DYNC2I1: variants seen among roughly 807,000 people sequenced by gnomAD.
DYNC2I1 encodes the protein dynein 2 intermediate chain 1, also known as cytoplasmic dynein 2 intermediate chain 1.
In DYNC2I1, 89 loss-of-function variants were observed where a neutral mutation model predicts 133.4. That is an observed-to-expected ratio of 0.67 (90% CI 0.56 to 0.80). DYNC2I1 has a LOEUF of 0.80. DYNC2I1 is among the 30% of genes least tolerant of loss of function. DYNC2I1 has a pLI of 0.00. For synonymous variants in DYNC2I1, 504 were observed against 484.3 expected, an observed-to-expected ratio of 1.04 and a Z score of -0.54; for missense variants, 1,291 against 1,314.5, an observed-to-expected ratio of 0.98 and a Z score of 0.28.
At chr7:158,936,561 C>A (rs1850777219) in intron 23 of DYNC2I1, among the ~76,000 whole-genome samples, 1 of 152,198 alleles carries the variant, frequency 6.6e-6, no homozygotes, top group South Asian at 2.1e-4. Flanking sequence ...TGCCTCAGCC[C>A]ATGGGGAGCA....
At chr7:158,867,795 G>T (rs1842538079) in intron 1 of DYNC2I1, among the ~76,000 whole-genome samples, 1 of 152,118 alleles carries the variant, frequency 6.6e-6, no homozygotes. Context: ...GTCTCCCAGG[G>T]TGCGCGGTGA....
At chr7:158,859,654 C>T (rs1159081513) in intron 1 of DYNC2I1, among the ~76,000 whole-genome samples, 1 of 152,172 alleles carries the variant, frequency 6.6e-6, no homozygotes, top group Non-Finnish European at 1.5e-5. Flanking sequence ...AGATGTGTGT[C>T]ATCACGCCCA....
chr7:158,847,009 A>C, the DYNC2I1 span, among the ~76,000 whole-genome samples: 2 of 152,222 alleles, frequency 1.3e-5, no homozygotes, highest in Non-Finnish European at 2.9e-5. Flanking sequence ...TTATTAATTG[A>C]CTTAAAGAAA....
Position 158,856,865 on chromosome 7 carries a change from C to A in DYNC2I1, c.15+115C>A, listed in dbSNP as rs552406515. 149 of 1,169,066 alleles carry A rather than the reference C, an allele frequency of 1.3e-4. No homozygotes were observed. The South Asian group carries it at 2.4e-3, about 18-fold the overall frequency. 72.4% of individuals were successfully genotyped at this position (1,169,066 alleles called of 1,614,324 possible). A position where few individuals can be genotyped will look rare whatever the true frequency, so the allele number is the denominator to read the frequency against. On this transcript the variant is annotated intron_variant, in intron 1 of 24. Transcript: ENST00000407559. The stretch of plus-strand genomic sequence containing the variant: ...TGCGCAGCGGTTCTCTCGGCCGGGC[C>A]GGGGCTTCCCGGAGGAGCCGCGGTG...
At chr7:158,855,590 A>C (rs1195937070), upstream of DYNC2I1, among the ~76,000 whole-genome samples, 1 of 152,246 alleles carries the variant, frequency 6.6e-6, no homozygotes, top group African/African-American at 2.4e-5. Context: ...GTCTGTGTTT[A>C]AATTATAAAA....
At chr7:158,955,597 C>T (rs1195575834) in intron 4 of DYNC2I1, among the ~76,000 whole-genome samples, 1 of 152,174 alleles carries the variant, frequency 6.6e-6, no homozygotes, top group Non-Finnish European at 1.5e-5. Flanking sequence ...TGTGGGTAGG[C>T]GGAGACACCC....
chr7:158,943,882 G>A (rs1348616453), intron 24 of DYNC2I1, among the ~76,000 whole-genome samples: 1 of 152,120 alleles, frequency 6.6e-6, no homozygotes, highest in Non-Finnish European at 1.5e-5. Flanking sequence ...GGTCAACCCT[G>A]TCCATCTGTC....
chr7:158,917,183 A>G (rs1210207377), intron 14 of DYNC2I1, among the ~76,000 whole-genome samples: 1 of 142,920 alleles, frequency 7.0e-6, no homozygotes, highest in East Asian at 2.0e-4. Flanking sequence ...GTTGACATTA[A>G]GGATGATTGT....
At chr7:158,949,649 G>T (rs1454079165), downstream of DYNC2I1, among the ~76,000 whole-genome samples, 1 of 28,734 alleles carries the variant, frequency 3.5e-5, no homozygotes, top group African/African-American at 7.4e-5. Context: ...TGCAGGCGGC[G>T]CGGCTTCAGG....
Position 158,876,635 on chromosome 7 carries a change from G to C in DYNC2I1, c.517G>C (p.Asp173His). 6.3e-7 allele frequency: 1 copy of C among 1,582,570 alleles called. No homozygotes were observed. The highest frequency in any genetic ancestry group is 8.5e-7 in the Non-Finnish European group (1 of 1,170,202). ...AAGTAAAGTAAGAAGTGAAGAGAAA[G>C]ATGAAGACTCTGAAAGAGGAGATGA... ...SVSKVRSEEKDEDSERGDEDR... is the reference protein window; with the variant it reads ...SVSKVRSEEKHEDSERGDEDR... The change falls in exon 4 of 25, where the codon GAT becomes CAT. Residue 173 changes from aspartate (D) to histidine (H), a missense_variant. Transcript: ENST00000407559.
At chr7:158,844,409 C>G in the DYNC2I1 span, among the ~76,000 whole-genome samples, 1 of 151,522 alleles carries the variant, frequency 6.6e-6, no homozygotes, top group Non-Finnish European at 1.5e-5. Flanking sequence ...TTCAGGAGGT[C>G]TCATGTTTAC....
the DYNC2I1 span, among the ~76,000 whole-genome samples, chr7:158,842,701 C>T: frequency 1.3e-5 from 2 of 152,160 alleles, no homozygotes; most frequent in East Asian, 1.9e-4. Context: ...GTCTGACACC[C>T]GAATGCAGGA....
intron 19 of DYNC2I1, among the ~76,000 whole-genome samples, 184 bp downstream of exon 19, chr7:158,926,647 T>G (rs1345058396): frequency 6.6e-6 from 1 of 152,204 alleles, no homozygotes; most frequent in Non-Finnish European, 1.5e-5. Context: ...TTTGGGGCCC[T>G]TTCGTGACAG....
chr7:158,841,624 T>C, the DYNC2I1 span, among the ~76,000 whole-genome samples: 1 of 152,214 alleles, frequency 6.6e-6, no homozygotes, highest in Non-Finnish European at 1.5e-5. Context: ...GAAGAAATAT[T>C]ATAAGATAGA....
rs114768524 is a variant in DYNC2I1 at position 158,943,863 on chromosome 7, C to T, written c.3002+1715C>T. 3.3e-5 allele frequency among the ~76,000 whole-genome samples: 5 copies of T among 152,256 alleles called. No homozygotes were observed. The East Asian group carries it at 5.8e-4, about 18-fold the overall frequency. On this transcript the variant is annotated intron_variant, in intron 24 of 24. Transcript: ENST00000407559. ...AGCTCCCCTAACCCCTCAGCAGTGCCGGACGCCGGGTCAACCCTGTCCATC... is the reference window on the plus strand; with the variant it reads ...AGCTCCCCTAACCCCTCAGCAGTGCTGGACGCCGGGTCAACCCTGTCCATC...
intron 4 of DYNC2I1, among the ~76,000 whole-genome samples, chr7:158,877,083 C>G (rs1563094989): frequency 1.3e-5 from 2 of 152,156 alleles, no homozygotes; most frequent in African/African-American, 4.8e-5. Flanking sequence ...CATTTTGAGC[C>G]TTTTCCTGAG....
At chr7:158,883,410 A>G in intron 5 of DYNC2I1, among the ~76,000 whole-genome samples, 1 of 144,132 alleles carries the variant, frequency 6.9e-6, no homozygotes, top group East Asian at 2.0e-4. Flanking sequence ...TTTTTAGTAG[A>G]GTTTCGCCAT....
At chr7:158,952,917 G>A (rs972759957) in intron 4 of DYNC2I1, among the ~76,000 whole-genome samples, 5 of 152,182 alleles carry the variant, frequency 3.3e-5, no homozygotes, top group African/African-American at 7.2e-5. Context: ...GAGCCTCAGC[G>A]CCTGCTGTGC....
the DYNC2I1 span, among the ~76,000 whole-genome samples, chr7:158,847,107 A>G: frequency 3.9e-5 from 6 of 152,218 alleles, no homozygotes; most frequent in Non-Finnish European, 7.3e-5. Flanking sequence ...CTTTTGGTTC[A>G]CATCACTTTA....
Sources: allele counts gnomAD v4.1 joint callset (sites outside exome capture counted in the v4.1 genomes callset), GRCh38; gene constraint gnomAD v4.1.1; transcripts MANE v1.5; gene names NCBI Gene and HGNC (gene_info 2026-07-23, HGNC 2026-07-21).